RPS20: variants seen among roughly 807,000 people sequenced by gnomAD.
The protein encoded by RPS20 is small ribosomal subunit protein uS10.
Under a neutral mutation model 15.3 loss-of-function variants are expected in RPS20, and 3 were observed. That is an observed-to-expected ratio of 0.20 (90% CI 0.09 to 0.51). The LOEUF (loss-of-function observed/expected upper bound fraction) is 0.51, where lower values mean the gene tolerates loss of function less well. Among genes scored for constraint, RPS20 ranks in the 20% least tolerant of loss-of-function variants. The probability of loss-of-function intolerance (pLI) is 0.96; values close to 1 mark genes in which losing one functional copy is unlikely to be tolerated. For synonymous variants in RPS20, 62 were observed against 47.8 expected (o/e 1.30, Z -1.23); for missense variants, 67 against 145.9 (o/e 0.46, Z 2.79).
chr8:56,070,949 TACC>T (rs1193710882), downstream of RPS20, among the ~76,000 whole-genome samples: 8 of 152,212 alleles, frequency 5.3e-5, no homozygotes, highest in African/African-American at 1.9e-4. Flanking sequence ...TTGGCATCAT[TACC>T]ACTATTTAAT....
chr8:56,072,693 G>A (rs76873250), downstream of RPS20: 6,299 of 176,286 alleles, frequency 0.036, 438 homozygotes, highest in African/African-American at 0.14. Context: ...CTTTTTTAAG[G>A]ACGTTAAACT....
chr8:56,071,388 T>C (rs1161280962), downstream of RPS20, among the ~76,000 whole-genome samples: 1 of 152,238 alleles, frequency 6.6e-6, no homozygotes, highest in South Asian at 2.1e-4. Flanking sequence ...AATGGTCTTA[T>C]TAACTGATAG....
downstream of RPS20, among the ~76,000 whole-genome samples, chr8:56,070,280 T>C (rs977013578): frequency 7.9e-5 from 12 of 152,220 alleles, no homozygotes; most frequent in Admixed American, 6.6e-4. Context: ...GGCACATAAC[T>C]GAGGCTCAAA....
chr8:56,072,159 C>T (rs995155829), downstream of RPS20, among the ~76,000 whole-genome samples: 2 of 152,130 alleles, frequency 1.3e-5, no homozygotes, highest in African/African-American at 4.8e-5. Flanking sequence ...ATTGCATGAG[C>T]CCAGGTCAAG....
chr8:56,074,263 A>T (rs1316492452), intron 1 of RPS20, 104 bp from the exon 2 acceptor site: 9 of 1,524,052 alleles, frequency 5.9e-6, no homozygotes, highest in Non-Finnish European at 8.1e-6. Flanking sequence ...CCATTTCAGG[A>T]GCGCCTTTCC....
At position 56,074,506 on chromosome 8, in the gene RPS20, G is replaced by A. The variant is rs541086521; in HGVS notation, c.-123C>T. 8.0e-5 allele frequency: 86 copies of A among 1,077,964 alleles called. No individual in the cohort carries two copies. The highest frequency in any genetic ancestry group is 7.1e-4 in the African/African-American group (45 of 63,168). 66.8% of individuals were successfully genotyped at this position (1,077,964 alleles called of 1,614,324 possible). ...CTTACGACCGCGTCTTCCTCAAAAA[G>A]AAAGGGGTGGGACTTGAGCAACGCT... On this transcript the variant is annotated 5_prime_UTR_variant, in exon 1 of 4. Coordinates refer to ENST00000009589, the MANE Select transcript of RPS20 (RefSeq NM_001023.4).
At chr8:56,069,889 TTC>T (rs762339369), downstream of RPS20, 53 of 806,422 alleles carry the variant, frequency 6.6e-5, no homozygotes, top group East Asian at 3.2e-4. Context: ...TGTATAGACA[TTC>T]TTTTTCTTGT....
At chr8:56,073,638 G>T in intron 3 of RPS20, 57 bp downstream of exon 3, 1 of 1,452,794 alleles carries the variant, frequency 6.9e-7, no homozygotes, top group South Asian at 1.1e-5. Flanking sequence ...TAAAGAACCT[G>T]AATTTATGCA....
rs541816496 is a variant in RPS20 at position 56,073,475 on chromosome 8, T to C, written c.178-203A>G. The C allele has an allele frequency of 4.3e-5, 27 of 634,146 alleles. No homozygotes were observed. In the African/African-American group the frequency reaches 4.8e-4, roughly 11 times the overall value. The allele number at this position is 634,146 out of a possible 1,614,324, so 39.3% of individuals were successfully genotyped here. On this transcript the variant is annotated intron_variant, in intron 3 of 3. Transcript: ENST00000009589. ...GGACACCACCCTTAGAGCTTGCGCC[T>C]GTTAAGCACCAAAGCACACCAAGAA...
Position 56,073,088 on chromosome 8 carries a change from A to T in RPS20, c.*2T>A. On this transcript the variant is annotated 3_prime_UTR_variant, in exon 4 of 4. Coordinates refer to ENST00000009589, the MANE Select transcript of RPS20 (RefSeq NM_001023.4). ...GGTCATCAATTTATTAAAATAGTTG[A>T]CTTAAGCATCTGCAATGGTGACTTC... 1 of 1,593,372 alleles carries T rather than the reference A, an allele frequency of 6.3e-7. No individual in the cohort carries two copies. Among genetic ancestry groups the T allele is most frequent in the Middle Eastern group, 2.2e-4 (1 of 4,464 alleles).
chr8:56,068,473 G>C (rs992565930), downstream of RPS20: 21 of 150,188 alleles, frequency 1.4e-4, no homozygotes, highest in African/African-American at 5.1e-4. Context: ...AGGAGGCAGA[G>C]GTTGCAGTGA....
chr8:56,072,787 A>T, downstream of RPS20: 2 of 871,894 alleles, frequency 2.3e-6, no homozygotes, highest in South Asian at 1.1e-4. Context: ...TGTGCATTAC[A>T]AACGCCCCAG....
At chr8:56,073,555 C>A in intron 3 of RPS20, 140 bp downstream of exon 3, 1 of 739,772 alleles carries the variant, frequency 1.4e-6, no homozygotes, top group Non-Finnish European at 2.4e-6. Flanking sequence ...TACTAGGAAC[C>A]GCAATCTACC....
In RPS20 at chr8:56,074,360, CGCCGCCGACT is replaced by C. The variant is rs1563348617; in HGVS notation, c.3+11_3+20del. 1.0e-5 allele frequency: 16 copies of C among 1,553,952 alleles called. No homozygotes were observed. Among genetic ancestry groups the C allele is most frequent in the Admixed American group, 1.9e-5 (1 of 53,876 alleles). On this transcript the variant is annotated intron_variant, in intron 1 of 3. Coordinates refer to ENST00000009589, the MANE Select transcript of RPS20 (RefSeq NM_001023.4). ...CGCCCGAGCCCTGCGTTGCGCCGCCCGCCGCCGACTGCCGCCTCACCATGGCTGTTGCGCG... is the reference window on the plus strand; with the variant it reads ...CGCCCGAGCCCTGCGTTGCGCCGCCCGCCGCCTCACCATGGCTGTTGCGCG...
chr8:56,073,031 T>C, downstream of RPS20: 4 of 1,569,990 alleles, frequency 2.5e-6, no homozygotes, highest in East Asian at 2.2e-5. Context: ...TCTGCCAGTA[T>C]TCTGAATAAA....
downstream of RPS20, among the ~76,000 whole-genome samples, chr8:56,072,559 A>C (rs77260113): frequency 0.012 from 1,594 of 132,180 alleles, 20 homozygotes; most frequent in African/African-American, 0.029. Context: ...CCCCCCCCCC[A>C]AAAAAAAAAA....
At chr8:56,073,919 G>T in intron 2 of RPS20, 141 bp downstream of exon 2, 2 of 1,082,784 alleles carry the variant, frequency 1.8e-6, no homozygotes, top group Non-Finnish European at 2.9e-6. Flanking sequence ...GACAGTAAAA[G>T]CAATTTTAAG....
chr8:56,072,833 A>G (rs1284146265), downstream of RPS20: 3 of 1,164,848 alleles, frequency 2.6e-6, no homozygotes, highest in South Asian at 2.6e-5. Context: ...GAATTTATCT[A>G]GAGTATGCCA....
downstream of RPS20, among the ~76,000 whole-genome samples, chr8:56,072,060 T>C (rs966935648): frequency 3.3e-5 from 5 of 151,664 alleles, no homozygotes; most frequent in African/African-American, 1.2e-4. Flanking sequence ...CTGGGCAACA[T>C]GGCAAAACCT....
Sources: allele counts gnomAD v4.1 joint callset (sites outside exome capture counted in the v4.1 genomes callset), GRCh38; gene constraint gnomAD v4.1.1; transcripts MANE v1.5; gene names NCBI Gene and HGNC (gene_info 2026-07-23, HGNC 2026-07-21).